Variants in GNLY observed in about 807,000 individuals in gnomAD.
GNLY encodes granulysin.
In GNLY, 15 loss-of-function variants were observed where a neutral mutation model predicts 18.5. The ratio of observed to expected loss-of-function variants is 0.81; its 90% CI spans 0.54 to 1.25. The LOEUF (loss-of-function observed/expected upper bound fraction) is 1.25. GNLY is among the 50% of genes most tolerant of loss of function. The pLI is 0.00. For missense variants in GNLY, 178 were observed against 186.9 expected, an observed-to-expected ratio of 0.95 and a Z score of 0.28; for synonymous variants, 77 against 74.9, an observed-to-expected ratio of 1.03 and a Z score of -0.14.
chr2:85,695,982 G>A lies in GNLY; in HGVS notation c.181G>A (p.Glu61Lys), dbSNP rs1051786565. 1.2e-6 allele frequency: 2 copies of A among 1,610,624 alleles called. No individual in the cohort carries two copies. The highest frequency in any genetic ancestry group is 1.6e-4 in the Middle Eastern group (1 of 6,074). ...GGGTGACCTGTTGACCAAAACACAG[G>A]AGCTGGGCCGTGACTACAGGACCTG... is the stretch of plus-strand genomic sequence containing the variant. ...PQGDLLTKTQ[E>K]LGRDYRTCLT... Residue 61 changes from glutamate (E) to lysine (K), a missense_variant, in exon 3 of 5, where the codon GAG (glutamate) becomes AAG (lysine). By Grantham distance (56) the Glu-to-Lys change is moderately conservative. Transcript: ENST00000263863.
At position 85,695,397 on chromosome 2, in the gene GNLY, C is replaced by A. The variant is rs781459149; in HGVS notation, c.130C>A (p.Pro44Thr). ...AHLRDEEKSC[P>T]CLAQEGPQGD... ...CCTGCGTGATGAGGAGAAATCCTGC[C>A]CGTGCCTGGCCCAGGAGGGCCCCCA... Residue 44 changes from proline (P) to threonine (T), a missense_variant, in exon 2 of 5, where the codon CCG becomes ACG. Coordinates refer to ENST00000263863, the MANE Select transcript of GNLY (RefSeq NM_006433.5). The A allele has an allele frequency of 1.2e-6, 2 of 1,612,308 alleles. No homozygotes were observed. The highest frequency in any genetic ancestry group is 1.1e-5 in the South Asian group (1 of 91,042).
chr2:85,697,346 G>A (rs959742509), intron 3 of GNLY, 160 bp from the exon 4 acceptor site: 4 of 646,518 alleles, frequency 6.2e-6, no homozygotes, highest in African/African-American at 1.8e-5. Flanking sequence ...ACTGGGAGTA[G>A]GGGCTGAGCC....
At chr2:85,698,447 G>T in intron 4 of GNLY, 117 bp from the exon 5 acceptor site, 3 of 1,577,118 alleles carry the variant, frequency 1.9e-6, no homozygotes, top group Non-Finnish European at 2.6e-6. Context: ...TGTGCCTCTG[G>T]GTGTGTTCAG....
chr2:85,695,490 GGGT>G, intron 2 of GNLY, 67 bp downstream of exon 2: 1 of 934,246 alleles, frequency 1.1e-6, no homozygotes, highest in Non-Finnish European at 1.7e-6. Context: ...GTGGCTCCTG[GGGT>G]GAGGTCTGGA....
intron 1 of GNLY, chr2:85,694,994 A>G: frequency 6.3e-7 from 1 of 1,578,138 alleles, no homozygotes. Context: ...ATCTGGATGG[A>G]AGGTAAAAAA....
chr2:85,697,545 G>A lies in GNLY; in HGVS notation c.295G>A (p.Gly99Arg). ...TGCTGCGACCCGGGTGTGTAGGACG[G>A]GGAGGTCACGATGGCGCGACGTCTG... ...SNAATRVCRT[G>R]RSRWRDVCRN... is the part of the protein sequence containing the mutation. The change falls in exon 4 of 5, where the codon GGG becomes AGG. Residue 99 changes from glycine (G) to arginine (R), a missense_variant. Gly to Arg is a moderately radical substitution (Grantham distance 125, BLOSUM62 -2). Coordinates refer to ENST00000263863, the MANE Select transcript of GNLY (RefSeq NM_006433.5). 3.1e-6 allele frequency: 5 copies of A among 1,613,072 alleles called. No homozygotes were observed. The highest frequency in any genetic ancestry group is 3.4e-6 in the Non-Finnish European group (4 of 1,179,894).
intron 1 of GNLY, chr2:85,694,872 G>T: frequency 6.5e-7 from 1 of 1,540,640 alleles, no homozygotes; most frequent in Non-Finnish European, 8.7e-7. Flanking sequence ...TCTCTTCTGT[G>T]TTCAAGGCAG....
rs10181739 is a variant in GNLY, at chr2:85,694,429, G to A, written c.11G>A (p.Trp4Ter). The change falls in exon 1 of 5, where the codon TGG (tryptophan) becomes TAG (stop). Residue 4 changes from tryptophan to a stop codon, truncating the protein, a stop_gained. Coordinates refer to ENST00000263863, the MANE Select transcript of GNLY (RefSeq NM_006433.5). LOFTEE classifies it high-confidence loss of function. ...AGCGGCTGCCCCACCATGGCTACCTGGGCCCTCCTGCTCCTTGCAGCCATG... is the reference window on the plus strand; with the variant it reads ...AGCGGCTGCCCCACCATGGCTACCTAGGCCCTCCTGCTCCTTGCAGCCATG... MAT[W>*]ALLLLAAMLL... The A allele has an allele frequency of 4.5e-3, 7,268 of 1,614,064 alleles. 288 individuals carry two copies. The African/African-American group carries it at 0.086, about 19-fold the overall frequency.
chr2:85,696,294 G>A, intron 3 of GNLY: 1 of 472,530 alleles, frequency 2.1e-6, no homozygotes, highest in Non-Finnish European at 3.8e-6. Flanking sequence ...TTTTCATCAT[G>A]TATCCTCAAA....
chr2:85,695,382 G>A lies in GNLY; in HGVS notation c.115G>A (p.Glu39Lys). The A allele has an allele frequency of 1.9e-6, 3 of 1,613,948 alleles. No homozygotes were observed. The highest frequency in any genetic ancestry group is 2.5e-6 in the Non-Finnish European group (3 of 1,179,770). Residue 39 changes from glutamate (E) to lysine (K), a missense_variant, in exon 2 of 5, where the codon GAG becomes AAG. Physicochemically the swap from Glu to Lys is moderately conservative, Grantham distance 56. Transcript: ENST00000263863. ...YDLARAHLRD[E>K]EKSCPCLAQE... ...CCTGGCAAGAGCCCACCTGCGTGAT[G>A]AGGAGAAATCCTGCCCGTGCCTGGC...
In GNLY at chr2:85,697,684, G is replaced by A. The variant is rs1196845200; in HGVS notation, c.427+7G>A. ...TTGTGTATACCTTCTACAGGTGAGT[G>A]CAGAGGTGACAGCAGGGATACCTCC... On this transcript the variant is annotated splice_region_variant and intron_variant, in intron 4 of 4. Coordinates refer to ENST00000263863, the MANE Select transcript of GNLY (RefSeq NM_006433.5). 6.2e-7 allele frequency: 1 copy of A among 1,602,918 alleles called. No individual in the cohort carries two copies. Among genetic ancestry groups the A allele is most frequent in the African/African-American group, 1.3e-5 (1 of 74,720 alleles).
Position 85,695,351 on chromosome 2 carries a change from C to G in GNLY, c.84C>G (p.Tyr28Ter). The G allele has an allele frequency of 6.2e-7, 1 of 1,613,612 alleles. No individual in the cohort carries two copies. The highest frequency in any genetic ancestry group is 1.1e-5 in the South Asian group (1 of 91,070). The change falls in exon 2 of 5, where the codon TAC becomes TAG. Residue 28 changes from tyrosine (Y) to a stop codon, truncating the protein, a stop_gained. Coordinates refer to ENST00000263863, the MANE Select transcript of GNLY (RefSeq NM_006433.5). LOFTEE classifies it high-confidence loss of function. ...GLVFSRLSPE[Y>*]YDLARAHLRD... ...TCTTCTCTCGTCTGAGCCCTGAGTA[C>G]TACGACCTGGCAAGAGCCCACCTGC...
chr2:85,695,867 C>T (rs953660988), intron 2 of GNLY, 91 bp from the exon 3 acceptor site: 1 of 719,050 alleles, frequency 1.4e-6, no homozygotes, highest in Non-Finnish European at 2.5e-6. Context: ...TTCCTGCCGG[C>T]CTCAGAAACA....
chr2:85,694,677 A>C (rs1303667477), intron 1 of GNLY: 23 of 1,275,270 alleles, frequency 1.8e-5, no homozygotes, highest in Non-Finnish European at 2.3e-5. Flanking sequence ...GCCAAGGAGG[A>C]GAGACAGGCC....
rs767770054 is a variant in GNLY at position 85,695,371 on chromosome 2, AC to A, written c.106del (p.Leu36CysfsTer21). ...SPEYYDLARA[H>X]LRDEEKSCPC... ...GAGTACTACGACCTGGCAAGAGCCCACCTGCGTGATGAGGAGAAATCCTGCC... is the reference window on the plus strand; with the variant it reads ...GAGTACTACGACCTGGCAAGAGCCCACTGCGTGATGAGGAGAAATCCTGCC... On this transcript the variant is annotated frameshift_variant, in exon 2 of 5. Coordinates refer to ENST00000263863, the MANE Select transcript of GNLY (RefSeq NM_006433.5). LOFTEE classifies it high-confidence loss of function. 1.9e-6 allele frequency: 3 copies of A among 1,614,010 alleles called. No homozygotes were observed. Among genetic ancestry groups the A allele is most frequent in the African/African-American group, 2.7e-5 (2 of 75,050 alleles).
Position 85,698,817 on chromosome 2 carries a change from G to GT in GNLY, c.*244dup. ...TGTCAGTGGCATGCTGGGGTGAGCT[G>GT]TGTAGTCCTTCAATAAATGTCTGTC... On this transcript the variant is annotated 3_prime_UTR_variant, in exon 5 of 5. Transcript: ENST00000263863. 1 of 1,452,238 alleles carries GT rather than the reference G, an allele frequency of 6.9e-7. No homozygotes were observed. The highest frequency in any genetic ancestry group is 1.4e-5 in the South Asian group (1 of 72,584). 90.0% of individuals were successfully genotyped at this position (1,452,238 alleles called of 1,614,324 possible). A position where few individuals can be genotyped will look rare whatever the true frequency, so the allele number is the denominator to read the frequency against.
At position 85,697,725 on chromosome 2, in the gene GNLY, G is replaced by A. The variant is rs139438190; in HGVS notation, c.427+48G>A. The A allele has an allele frequency of 5.1e-5, 69 of 1,348,804 alleles. No individual in the cohort carries two copies. In the African/African-American group the frequency reaches 8.4e-4, roughly 16 times the overall value. The allele number at this position is 1,348,804 out of a possible 1,614,324, so 83.6% of individuals were successfully genotyped here. ...GGATACCTCCTGAGGGTTGGAGACA[G>A]CTTCCCCCAGGATATATCAAAGCTG... is the stretch of plus-strand genomic sequence containing the variant. On this transcript the variant is annotated intron_variant, in intron 4 of 4. Transcript: ENST00000263863.
At chr2:85,697,407 C>G in intron 3 of GNLY, 99 bp from the exon 4 acceptor site, 2 of 1,058,586 alleles carry the variant, frequency 1.9e-6, no homozygotes, top group Non-Finnish European at 2.9e-6. Context: ...GCTCCTCGCA[C>G]CCAGTACTCC....
At chr2:85,695,867 C>A (rs953660988) in intron 2 of GNLY, 91 bp from the exon 3 acceptor site, 2 of 719,050 alleles carry the variant, frequency 2.8e-6, no homozygotes, top group Non-Finnish European at 4.9e-6. Context: ...TTCCTGCCGG[C>A]CTCAGAAACA....
Sources: allele counts gnomAD v4.1 joint callset, GRCh38; gene constraint gnomAD v4.1.1; transcripts MANE v1.5; gene names NCBI Gene and HGNC (gene_info 2026-07-23, HGNC 2026-07-21).